The following RIMS2 variants were observed in gnomAD, a reference collection of about 807,000 sequenced individuals.
RIMS2 encodes the protein regulating synaptic membrane exocytosis protein 2.
In RIMS2, 59 loss-of-function variants were observed where a neutral mutation model predicts 174.4. The ratio of observed to expected loss-of-function variants is 0.34; its 90% CI spans 0.27 to 0.42. The LOEUF (loss-of-function observed/expected upper bound fraction) is 0.42, where lower values mean the gene tolerates loss of function less well. Ranked by LOEUF, RIMS2 falls within the 10% of genes least tolerant of loss-of-function variation. The pLI, the probability that RIMS2 is intolerant of heterozygous loss-of-function variation, is 1.00. For missense variants in RIMS2, 1,620 were observed against 1,666.3 expected (o/e 0.97, Z 0.48); for synonymous variants, 606 against 572.5 (o/e 1.06, Z -0.84).
intron 1 of RIMS2, among the ~76,000 whole-genome samples, chr8:103,647,272 G>A (rs1410696009): frequency 6.6e-6 from 1 of 152,044 alleles, no homozygotes; most frequent in Non-Finnish European, 1.5e-5. Flanking sequence ...TTGCATCAGT[G>A]TTCATCAAGG....
At chr8:103,633,914 T>C (rs1486686208) in intron 1 of RIMS2, among the ~76,000 whole-genome samples, 1 of 152,194 alleles carries the variant, frequency 6.6e-6, no homozygotes, top group African/African-American at 2.4e-5. Context: ...TATTTGGATG[T>C]TCTCTTTTCT....
intron 4 of RIMS2, among the ~76,000 whole-genome samples, chr8:103,898,976 G>T (rs1044019724): frequency 1.3e-5 from 2 of 151,198 alleles, no homozygotes; most frequent in Non-Finnish European, 2.9e-5. Flanking sequence ...GCAGGGTTTG[G>T]TTTTTTATCC....
chr8:103,585,935 A>G (rs1316574313), intron 1 of RIMS2, among the ~76,000 whole-genome samples: 1 of 151,720 alleles, frequency 6.6e-6, no homozygotes, highest in Non-Finnish European at 1.5e-5. Context: ...AAAAAAGAGC[A>G]GGAGTCCCTA....
intron 1 of RIMS2, among the ~76,000 whole-genome samples, chr8:103,544,673 T>A (rs563145631): frequency 7.2e-5 from 11 of 152,290 alleles, no homozygotes; most frequent in Middle Eastern, 3.4e-3. Context: ...AGGGTTAAGG[T>A]GGCAAAGATA....
intron 1 of RIMS2, among the ~76,000 whole-genome samples, chr8:103,616,156 A>G (rs572667907): frequency 6.6e-6 from 1 of 152,320 alleles, no homozygotes; most frequent in South Asian, 2.1e-4. Flanking sequence ...AGAACAACAG[A>G]AGGCTAATCC....
chr8:103,669,119 A>G (rs1305586528), intron 1 of RIMS2, among the ~76,000 whole-genome samples: 1 of 152,172 alleles, frequency 6.6e-6, no homozygotes, highest in African/African-American at 2.4e-5. Flanking sequence ...AGGCCTCACA[A>G]TCATGGTGGG....
At chr8:104,143,219 T>C (rs761888002) in intron 19 of RIMS2, among the ~76,000 whole-genome samples, 1 of 152,244 alleles carries the variant, frequency 6.6e-6, no homozygotes, top group Admixed American at 6.5e-5. Context: ...ATTACTACTT[T>C]ACTAGCCTAA....
intron 1 of RIMS2, among the ~76,000 whole-genome samples, chr8:103,528,817 AG>A (rs1400844080): frequency 1.3e-5 from 2 of 152,186 alleles, no homozygotes; most frequent in Non-Finnish European, 2.9e-5. Flanking sequence ...GTTTGAAGTC[AG>A]GTAGCCTGAT....
intron 19 of RIMS2, among the ~76,000 whole-genome samples, chr8:104,049,722 T>A (rs1171024660): frequency 6.6e-6 from 1 of 151,766 alleles, no homozygotes; most frequent in Non-Finnish European, 1.5e-5. Context: ...AAATGAAAAA[T>A]TTTCCACTTC....
intron 1 of RIMS2, among the ~76,000 whole-genome samples, chr8:103,630,230 A>G (rs572307984): frequency 6.6e-6 from 1 of 152,266 alleles, no homozygotes; most frequent in South Asian, 2.1e-4. Flanking sequence ...GAAGAACAAT[A>G]GCAGATTTTT....
At chr8:103,813,099 T>C (rs1362585760) in intron 3 of RIMS2, among the ~76,000 whole-genome samples, 1 of 152,234 alleles carries the variant, frequency 6.6e-6, no homozygotes, top group East Asian at 1.9e-4. Context: ...TAATGATTCA[T>C]TAGCTTTGTT....
chr8:103,998,184 G>A, intron 17 of RIMS2: 3 of 1,599,232 alleles, frequency 1.9e-6, no homozygotes, highest in Non-Finnish European at 2.6e-6. Context: ...CATGCTTGCA[G>A]TCATTTTCTT....
chr8:104,062,689 C>A (rs72683179), intron 19 of RIMS2, among the ~76,000 whole-genome samples: 41 of 152,244 alleles, frequency 2.7e-4, no homozygotes, highest in Non-Finnish European at 5.3e-4. Flanking sequence ...TTATTCACTG[C>A]ACTTCATTTG....
chr8:103,613,192 C>A (rs1224550751), intron 1 of RIMS2, among the ~76,000 whole-genome samples: 3 of 152,156 alleles, frequency 2.0e-5, no homozygotes, highest in Non-Finnish European at 4.4e-5. Flanking sequence ...GATTTGGAGT[C>A]AAAAACCTTA....
chr8:103,638,848 GTA>G (rs1294137246), intron 1 of RIMS2, among the ~76,000 whole-genome samples: 2 of 151,998 alleles, frequency 1.3e-5, no homozygotes, highest in East Asian at 1.9e-4. Context: ...GGAAATACTT[GTA>G]TATATAAACT....
At chr8:103,816,914 A>G (rs1445407579) in intron 3 of RIMS2, among the ~76,000 whole-genome samples, 9 of 152,220 alleles carry the variant, frequency 5.9e-5, no homozygotes, top group Admixed American at 3.3e-4. Context: ...CCTTTTTAAC[A>G]GTAAATGTTG....
chr8:103,702,522 C>A (rs2097178039), intron 2 of RIMS2, among the ~76,000 whole-genome samples: 1 of 151,928 alleles, frequency 6.6e-6, no homozygotes, highest in African/African-American at 2.4e-5. Context: ...ATGTTTACTT[C>A]TTTTTGTAGT....
At chr8:103,831,061 G>C (rs190033057) in intron 3 of RIMS2, among the ~76,000 whole-genome samples, 1 of 152,230 alleles carries the variant, frequency 6.6e-6, no homozygotes, top group Admixed American at 6.5e-5. Context: ...TTCCTGCCTT[G>C]GCCTCCCAAA....
At chr8:103,749,857 G>A (rs2097863730) in intron 2 of RIMS2, among the ~76,000 whole-genome samples, 1 of 151,942 alleles carries the variant, frequency 6.6e-6, no homozygotes, top group Admixed American at 6.5e-5. Flanking sequence ...ACTAGGAAGT[G>A]GTTTCCAAAG....
Sources: gnomAD v4.1 joint callset for allele counts (sites outside exome capture counted in the v4.1 genomes callset) on GRCh38, gnomAD v4.1.1 for gene constraint, MANE v1.5 for transcripts, NCBI Gene and HGNC (gene_info 2026-07-23, HGNC 2026-07-21) for gene names.